ZFAT: variants seen among roughly 807,000 people sequenced by gnomAD.
ZFAT encodes zinc finger and AT-hook domain containing.
A neutral mutation model predicts 117.7 loss-of-function variants in ZFAT; 64 were observed. The ratio of observed to expected loss-of-function variants is 0.54; its 90% CI spans 0.44 to 0.67. The LOEUF is 0.67. ZFAT is among the 30% of genes least tolerant of loss of function. The pLI, the probability that ZFAT is intolerant of heterozygous loss-of-function variation, is 0.00. For synonymous variants in ZFAT, 679 were observed against 615.0 expected (o/e 1.10, Z -1.54); for missense variants, 1,433 against 1,584.5 (o/e 0.90, Z 1.62).
upstream of ZFAT, among the ~76,000 whole-genome samples, chr8:134,716,143 T>TTA (rs375486869): frequency 9.3e-3 from 1,325 of 142,170 alleles, 10 homozygotes; most frequent in South Asian, 0.024. Context: ...TAAAATTTAT[T>TTA]TATATATATA....
intron 12 of ZFAT, among the ~76,000 whole-genome samples, chr8:134,529,868 C>T (rs976963720): frequency 6.6e-6 from 1 of 152,222 alleles, no homozygotes; most frequent in Non-Finnish European, 1.5e-5. Context: ...TCCCAGCAAG[C>T]TTTGGGAACA....
chr8:134,715,573 G>C (rs145919406), upstream of ZFAT, among the ~76,000 whole-genome samples: 1 of 152,288 alleles, frequency 6.6e-6, no homozygotes, highest in East Asian at 1.9e-4. Context: ...CTTTCTATTT[G>C]CCAGTAATAT....
intron 1 of ZFAT, among the ~76,000 whole-genome samples, chr8:134,680,358 T>C (rs1443877268): frequency 1.3e-5 from 2 of 151,772 alleles, no homozygotes; most frequent in South Asian, 2.1e-4. Flanking sequence ...AGCATAATAA[T>C]TGGATTTTCT....
the ZFAT span, among the ~76,000 whole-genome samples, chr8:134,725,089 A>G: frequency 6.6e-6 from 1 of 152,226 alleles, no homozygotes; most frequent in East Asian, 1.9e-4. Flanking sequence ...GGCTGGAGGT[A>G]ACCTCCACAG....
the ZFAT span, among the ~76,000 whole-genome samples, chr8:134,758,231 G>T: frequency 6.6e-6 from 1 of 152,172 alleles, no homozygotes; most frequent in Non-Finnish European, 1.5e-5. Flanking sequence ...TAGATTTGGA[G>T]TTCTTTGCTA....
chr8:134,692,407 C>T (rs1248421975), intron 1 of ZFAT, among the ~76,000 whole-genome samples: 2 of 152,218 alleles, frequency 1.3e-5, no homozygotes, highest in Admixed American at 6.5e-5. Context: ...AGCAGGTGCG[C>T]CCCAGCCCTA....
chr8:134,502,249 T>A (rs991035461), intron 15 of ZFAT, among the ~76,000 whole-genome samples: 3 of 152,218 alleles, frequency 2.0e-5, no homozygotes, highest in African/African-American at 7.2e-5. Context: ...AGCCAGAGGC[T>A]GCACTTGAGA....
chr8:134,810,938 G>A, the ZFAT span, among the ~76,000 whole-genome samples: 545 of 152,122 alleles, frequency 3.6e-3, 8 homozygotes, highest in African/African-American at 0.013. Flanking sequence ...CTAACATGGG[G>A]GGGAAATCAG....
chr8:134,539,165 A>G (rs1822061267), intron 11 of ZFAT, among the ~76,000 whole-genome samples: 1 of 152,162 alleles, frequency 6.6e-6, no homozygotes, highest in Admixed American at 6.5e-5. Flanking sequence ...AAGTGATCAC[A>G]TTTCCCATCA....
intron 3 of ZFAT, among the ~76,000 whole-genome samples, chr8:134,623,458 T>G (rs1222646629): frequency 2.0e-5 from 3 of 152,188 alleles, no homozygotes; most frequent in African/African-American, 7.2e-5. Flanking sequence ...AGTCCCCAGA[T>G]CAATGTGTGG....
At chr8:134,565,149 G>T in intron 11 of ZFAT, 184 bp downstream of exon 11, 2 of 1,528,264 alleles carry the variant, frequency 1.3e-6, no homozygotes, top group Non-Finnish European at 1.8e-6. Context: ...GCAATGCTAC[G>T]CTTCTGGAAC....
chr8:134,760,506 C>T, the ZFAT span, among the ~76,000 whole-genome samples: 2 of 152,130 alleles, frequency 1.3e-5, no homozygotes, highest in African/African-American at 4.8e-5. Flanking sequence ...AGGAATCACC[C>T]AGAAGACTAG....
At chr8:134,522,185 C>A (rs759233009) in intron 12 of ZFAT, among the ~76,000 whole-genome samples, 26 of 152,264 alleles carry the variant, frequency 1.7e-4, no homozygotes, top group Non-Finnish European at 3.7e-4. Flanking sequence ...AAGGAGGATG[C>A]CAGGCCCGGG....
At chr8:134,521,642 A>C (rs1053583447) in intron 12 of ZFAT, among the ~76,000 whole-genome samples, 5 of 152,178 alleles carry the variant, frequency 3.3e-5, no homozygotes, top group Admixed American at 6.5e-5. Context: ...AAAAAAAAAA[A>C]CAAAAACTGG....
At chr8:134,716,201 A>G (rs1323084876), upstream of ZFAT, among the ~76,000 whole-genome samples, 1 of 151,780 alleles carries the variant, frequency 6.6e-6, no homozygotes, top group East Asian at 1.9e-4. Flanking sequence ...ATATATGCAT[A>G]TGTATGCACA....
At chr8:134,747,947 A>G in the ZFAT span, among the ~76,000 whole-genome samples, 3 of 152,240 alleles carry the variant, frequency 2.0e-5, no homozygotes, top group African/African-American at 7.2e-5. Flanking sequence ...CAAGAATCAA[A>G]GCTTATTTCT....
intron 1 of ZFAT, among the ~76,000 whole-genome samples, chr8:134,684,338 T>TA (rs966168374): frequency 2.6e-5 from 4 of 152,090 alleles, no homozygotes; most frequent in East Asian, 1.9e-4. Flanking sequence ...AAATTAAATT[T>TA]AAAAAAACAC....
At chr8:134,623,631 A>G (rs764823677) in intron 3 of ZFAT, among the ~76,000 whole-genome samples, 8 of 152,008 alleles carry the variant, frequency 5.3e-5, no homozygotes, top group Non-Finnish European at 1.0e-4. Context: ...ACATCTCCAC[A>G]ATATGTCCCC....
At chr8:134,493,881 CA>C (rs1818236014) in intron 15 of ZFAT, among the ~76,000 whole-genome samples, 1 of 152,190 alleles carries the variant, frequency 6.6e-6, no homozygotes, top group Non-Finnish European at 1.5e-5. Context: ...TTGAATTATT[CA>C]AATGTGGACC....
Sources: allele counts gnomAD v4.1 joint callset (sites outside exome capture counted in the v4.1 genomes callset), GRCh38; gene constraint gnomAD v4.1.1; transcripts MANE v1.5; gene names NCBI Gene and HGNC (gene_info 2026-07-23, HGNC 2026-07-21).